The following PPP4R3A variants were observed in gnomAD, a reference collection of about 807,000 sequenced individuals.
PPP4R3A encodes the protein serine/threonine-protein phosphatase 4 regulatory subunit 3A.
A neutral mutation model predicts 91.7 loss-of-function variants in PPP4R3A; 15 were observed. The ratio of observed to expected loss-of-function variants is 0.16; its 90% CI spans 0.11 to 0.25. The LOEUF is 0.25. Ranked by LOEUF, PPP4R3A falls within the 10% of genes least tolerant of loss-of-function variation. The pLI is 1.00. For missense variants in PPP4R3A, 623 were observed against 998.4 expected, an observed-to-expected ratio of 0.62 and a Z score of 5.07; for synonymous variants, 377 against 348.7, an observed-to-expected ratio of 1.08 and a Z score of -0.91.
intron 9 of PPP4R3A, 145 bp from the exon 10 acceptor site, chr14:91,471,140 G>A (rs899986863): frequency 1.3e-5 from 9 of 705,146 alleles, no homozygotes; most frequent in African/African-American, 1.9e-5. Context: ...AGCATTTACT[G>A]AACGCCTAAC....
intron 1 of PPP4R3A, among the ~76,000 whole-genome samples, chr14:91,507,385 T>A (rs1456161970): frequency 1.8e-5 from 1 of 55,246 alleles, no homozygotes; most frequent in Non-Finnish European, 4.8e-5. Flanking sequence ...ATATATACTA[T>A]ATAGTATATG....
intron 1 of PPP4R3A, among the ~76,000 whole-genome samples, chr14:91,507,739 A>AT (rs1338733171): frequency 2.5e-5 from 3 of 119,244 alleles, no homozygotes; most frequent in African/African-American, 6.4e-5. Context: ...ATCTTAAAGG[A>AT]TTTTTTGTAT....
At chr14:91,486,784 A>G (rs1473710978) in intron 2 of PPP4R3A, among the ~76,000 whole-genome samples, 1 of 151,406 alleles carries the variant, frequency 6.6e-6, no homozygotes, top group African/African-American at 2.4e-5. Context: ...TGTGCCTGTA[A>G]TCCCAGCCAC....
chr14:91,507,416 TATAA>T (rs1891408217), intron 1 of PPP4R3A, among the ~76,000 whole-genome samples: 1 of 99,310 alleles, frequency 1.0e-5, no homozygotes, highest in Non-Finnish European at 2.0e-5. Context: ...ATATATACTA[TATAA>T]TATATATACT....
chr14:91,465,484 CA>C, intron 10 of PPP4R3A, 65 bp from the exon 11 acceptor site: 6 of 1,389,362 alleles, frequency 4.3e-6, no homozygotes, highest in Non-Finnish European at 5.7e-6. Context: ...ACTTACCAAA[CA>C]AAAATAACCA....
chr14:91,465,511 CTGTT>C, intron 10 of PPP4R3A, 92 bp from the exon 11 acceptor site: 1 of 1,084,926 alleles, frequency 9.2e-7, no homozygotes, highest in Admixed American at 2.8e-5. Context: ...CCAAAAAAAA[CTGTT>C]TAACACATAT....
Position 91,476,416 on chromosome 14 carries a change from C to T in PPP4R3A, c.1102G>A (p.Val368Ile). ...SNMGILPALE[V>I]ILGMDDTQVR... The stretch of plus-strand genomic sequence containing the variant: ...GGAGACACAAAACTTACAAGGATGA[C>T]TTCTAAAGCTGGTAATATGCCCATG... Residue 368 changes from valine to isoleucine, a missense_variant, in exon 6 of 15, where the codon GTC becomes ATC. Val to Ile is a conservative substitution (Grantham distance 29, BLOSUM62 3). Around this residue, in one of 5 missense-constraint regions of PPP4R3A, gnomAD observed 264 missense variants for 377.3 expected, o/e 0.70. Transcript: ENST00000554943. The T allele has an allele frequency of 6.2e-7, 1 of 1,605,586 alleles. No homozygotes were observed. The highest frequency in any genetic ancestry group is 8.5e-7 in the Non-Finnish European group (1 of 1,175,452).
chr14:91,509,426 C>T, intron 1 of PPP4R3A, 80 bp downstream of exon 1: 4 of 1,519,538 alleles, frequency 2.6e-6, no homozygotes, highest in East Asian at 2.5e-5. Flanking sequence ...GTGGAGCGAG[C>T]GCCATGCCCC....
chr14:91,482,954 C>T (rs1212479548), intron 3 of PPP4R3A, among the ~76,000 whole-genome samples: 1 of 152,174 alleles, frequency 6.6e-6, no homozygotes, highest in Non-Finnish European at 1.5e-5. Context: ...GGTTAAGTAA[C>T]CAAACCACGA....
chr14:91,506,328 C>T (rs1168762398), intron 1 of PPP4R3A, among the ~76,000 whole-genome samples: 1 of 152,130 alleles, frequency 6.6e-6, no homozygotes, highest in African/African-American at 2.4e-5. Context: ...TGCAAGTAGA[C>T]AGTAACATGG....
chr14:91,467,563 C>T (rs1342496054), intron 10 of PPP4R3A, among the ~76,000 whole-genome samples: 1 of 144,284 alleles, frequency 6.9e-6, no homozygotes, highest in African/African-American at 2.6e-5. Context: ...CTTTATTTCA[C>T]TCCTTTTTAA....
At chr14:91,459,832 CAA>C (rs60665582) in intron 14 of PPP4R3A, among the ~76,000 whole-genome samples, 17 of 138,464 alleles carry the variant, frequency 1.2e-4, no homozygotes, top group Non-Finnish European at 1.4e-4. Context: ...GAGACTCTGT[CAA>C]AAAAAAAAAA....
Position 91,458,822 on chromosome 14 carries a change from ATCATCT to A in PPP4R3A, c.2433_2438del (p.Glu811_Asp812del), listed in dbSNP as rs1248084175. 1.2e-6 allele frequency: 2 copies of A among 1,613,108 alleles called. No homozygotes were observed. The highest frequency in any genetic ancestry group is 1.7e-5 in the Admixed American group (1 of 60,002). On this transcript the variant is annotated inframe_deletion, in exon 15 of 15. Coordinates refer to ENST00000554943, the MANE Select transcript of PPP4R3A (RefSeq NM_001366432.2). ...TATCTTCCTTATCTTCATCCTCATC[ATCATCT>A]TCATCATCATCAGGATAATCTACCA...
In PPP4R3A at chr14:91,461,571, G is replaced by C. The variant is rs1335114165; in HGVS notation, c.2201C>G (p.Thr734Arg). 5 of 1,614,032 alleles carry C rather than the reference G, an allele frequency of 3.1e-6. No individual in the cohort carries two copies. Reference sequence around the variant, plus strand: ...TGGGCTCTGCCGTCCAGAAAGGTTTGTTTTCAGAAGCACTTCCTTTTCCTC... The same window carrying C: ...TGGGCTCTGCCGTCCAGAAAGGTTTCTTTTCAGAAGCACTTCCTTTTCCTC... ...ESEEKEVLLK[T>R]NLSGRQSPSF... The change falls in exon 14 of 15, where the codon ACA becomes AGA. Residue 734 changes from threonine (T) to arginine (R), a missense_variant. Physicochemically the swap from Thr to Arg is moderately conservative, Grantham distance 71. Around this residue, in one of 5 missense-constraint regions of PPP4R3A, gnomAD observed 201 missense variants for 229.9 expected, o/e 0.87. Coordinates refer to ENST00000554943, the MANE Select transcript of PPP4R3A (RefSeq NM_001366432.2).
At chr14:91,507,122 C>G (rs1306418091) in intron 1 of PPP4R3A, among the ~76,000 whole-genome samples, 1 of 151,532 alleles carries the variant, frequency 6.6e-6, no homozygotes, top group Non-Finnish European at 1.5e-5. Context: ...AGTTCGAGAC[C>G]AGACTGGCCA....
intron 10 of PPP4R3A, 60 bp from the exon 11 acceptor site, chr14:91,465,479 C>T (rs1888416176): frequency 7.1e-7 from 1 of 1,407,948 alleles, no homozygotes; most frequent in African/African-American, 1.5e-5. Context: ...TTTAGACTTA[C>T]CAAACAAAAA....
Position 91,462,186 on chromosome 14 carries a change from T to A in PPP4R3A, c.2027A>T (p.Glu676Val). 6.2e-7 allele frequency: 1 copy of A among 1,607,460 alleles called. No homozygotes were observed. Among genetic ancestry groups the A allele is most frequent in the Non-Finnish European group, 8.5e-7 (1 of 1,177,960 alleles). ...HRYRRDARTL[E>V]DEEEMWFNTD... ...GTTAAACCACATCTCTTCTTCATCT[T>A]CTAGTGTTCTGGCATCTCTTCGATA... is the stretch of plus-strand genomic sequence containing the variant. The change falls in exon 13 of 15, where the codon GAA (glutamate) becomes GTA (valine). Residue 676 changes from glutamate to valine, a missense_variant. Physicochemically the swap from Glu to Val is moderately radical, Grantham distance 121. Coordinates refer to ENST00000554943, the MANE Select transcript of PPP4R3A (RefSeq NM_001366432.2).
At chr14:91,481,408 G>C (rs1889549940) in intron 4 of PPP4R3A, among the ~76,000 whole-genome samples, 168 bp downstream of exon 4, 2 of 152,154 alleles carry the variant, frequency 1.3e-5, no homozygotes, top group African/African-American at 2.4e-5. Context: ...CCCAGATAGA[G>C]TAACCTTCTG....
intron 7 of PPP4R3A, among the ~76,000 whole-genome samples, chr14:91,473,756 C>A (rs1471632342): frequency 6.6e-6 from 1 of 152,112 alleles, no homozygotes; most frequent in Non-Finnish European, 1.5e-5. Context: ...CATCATAATA[C>A]TTTCGTTGCT....
Sources: allele counts gnomAD v4.1 joint callset (sites outside exome capture counted in the v4.1 genomes callset), GRCh38; gene constraint gnomAD v4.1.1; regional missense constraint gnomAD v4.1.1; transcripts MANE v1.5; gene names NCBI Gene and HGNC (gene_info 2026-07-23, HGNC 2026-07-21).